The following PHIP variants were observed in gnomAD, a reference collection of about 807,000 sequenced individuals.
The protein encoded by PHIP is PHIP subunit of CUL4-Ring ligase complex, also known as PH-interacting protein.
Under a neutral mutation model 236.8 loss-of-function variants are expected in PHIP, and 54 were observed. That is an observed-to-expected ratio of 0.23 (90% CI 0.18 to 0.29). PHIP has a LOEUF of 0.29. Among genes scored for constraint, PHIP ranks in the 10% least tolerant of loss-of-function variants. The pLI is 1.00. For missense variants in PHIP, 1,370 were observed against 2,190.8 expected (o/e 0.63, Z 7.48); for synonymous variants, 756 against 718.9 (o/e 1.05, Z -0.83).
chr6:78,977,471 C>T (rs887437913), intron 24 of PHIP, among the ~76,000 whole-genome samples: 7 of 151,548 alleles, frequency 4.6e-5, no homozygotes, highest in African/African-American at 1.5e-4. Context: ...CACATGTATA[C>T]GTATGTAACT....
chr6:79,014,873 T>C (rs1052492701), intron 15 of PHIP, among the ~76,000 whole-genome samples: 3 of 151,904 alleles, frequency 2.0e-5, no homozygotes, highest in African/African-American at 7.2e-5. Context: ...GTTATCACAA[T>C]GTACAGGCAC....
chr6:78,944,165 T>C (rs897188518), intron 39 of PHIP, among the ~76,000 whole-genome samples: 12 of 151,966 alleles, frequency 7.9e-5, no homozygotes, highest in African/African-American at 2.9e-4. Context: ...CTCAGGAACT[T>C]CTAAGTGTTT....
intron 23 of PHIP, among the ~76,000 whole-genome samples, chr6:78,982,012 T>C (rs1021671381): frequency 5.3e-5 from 8 of 152,014 alleles, no homozygotes; most frequent in Admixed American, 6.6e-5. Context: ...TATATTCTTA[T>C]ACTTTTTGAA....
intron 15 of PHIP, chr6:79,004,312 G>C (rs376631991): frequency 1.2e-5 from 7 of 604,764 alleles, no homozygotes; most frequent in East Asian, 1.4e-4. Flanking sequence ...TAAATTCCCT[G>C]GTAGTCTGAC....
At chr6:79,042,490 C>A (rs144800523) in intron 7 of PHIP, among the ~76,000 whole-genome samples, 59 of 152,076 alleles carry the variant, frequency 3.9e-4, no homozygotes, top group African/African-American at 1.3e-3. Flanking sequence ...TAAAAAGGCA[C>A]ATTTAATAAT....
chr6:79,003,911 T>C (rs1770145565), intron 15 of PHIP, 53 bp from the exon 16 acceptor site: 1 of 1,202,358 alleles, frequency 8.3e-7, no homozygotes, highest in East Asian at 2.5e-5. Context: ...TGAAAAGAAT[T>C]GGTCACTATT....
intron 35 of PHIP, among the ~76,000 whole-genome samples, chr6:78,950,991 A>G (rs1774108211): frequency 6.6e-6 from 1 of 152,082 alleles, no homozygotes; most frequent in Non-Finnish European, 1.5e-5. Context: ...TAGTATTAGA[A>G]ATTTCCCTGC....
intron 39 of PHIP, among the ~76,000 whole-genome samples, chr6:78,942,003 C>T (rs1773526725): frequency 6.6e-6 from 1 of 151,708 alleles, no homozygotes; most frequent in South Asian, 2.1e-4. Flanking sequence ...GAAAAATATG[C>T]CACAGGAACT....
intron 4 of PHIP, among the ~76,000 whole-genome samples, chr6:79,077,111 G>T (rs976164951): frequency 4.6e-5 from 7 of 152,010 alleles, no homozygotes; most frequent in African/African-American, 1.7e-4. Flanking sequence ...CGCTCCCGCC[G>T]CCGCCGACTC....
intron 23 of PHIP, among the ~76,000 whole-genome samples, chr6:78,980,620 A>G (rs1768456544): frequency 6.6e-6 from 1 of 152,008 alleles, no homozygotes; most frequent in Non-Finnish European, 1.5e-5. Context: ...GTGAGGAGTA[A>G]AATGATATCC....
At chr6:78,955,167 A>T in intron 34 of PHIP, 65 bp downstream of exon 34, 1 of 1,144,622 alleles carries the variant, frequency 8.7e-7, no homozygotes, top group African/African-American at 1.6e-5. Context: ...GTAAAAAAAT[A>T]AAGAAAGCTC....
intron 35 of PHIP, among the ~76,000 whole-genome samples, chr6:78,953,846 A>C (rs1766225075): frequency 6.6e-6 from 1 of 152,132 alleles, no homozygotes; most frequent in African/African-American, 2.4e-5. Flanking sequence ...TTGGCTTCCC[A>C]AAGTGCTGGG....
At chr6:79,041,808 A>C (rs1772230564) in intron 7 of PHIP, among the ~76,000 whole-genome samples, 1 of 152,064 alleles carries the variant, frequency 6.6e-6, no homozygotes, top group Non-Finnish European at 1.5e-5. Context: ...CAAATGCCTG[A>C]GGTAGATTAG....
chr6:78,980,484 C>CA (rs1768441391), intron 23 of PHIP, among the ~76,000 whole-genome samples: 1 of 151,906 alleles, frequency 6.6e-6, no homozygotes, highest in African/African-American at 2.4e-5. Flanking sequence ...AAAGAGGAAT[C>CA]AAAGATATCT....
intron 15 of PHIP, 90 bp from the exon 16 acceptor site, chr6:79,003,948 T>C: frequency 1.3e-6 from 1 of 783,296 alleles, no homozygotes; most frequent in South Asian, 2.3e-5. Context: ...GATAAAAGCA[T>C]ACATCCTAAT....
intron 15 of PHIP, among the ~76,000 whole-genome samples, chr6:79,004,779 A>G (rs1770193924): frequency 6.6e-6 from 1 of 152,114 alleles, no homozygotes; most frequent in East Asian, 1.9e-4. Flanking sequence ...ATCCCAGGAA[A>G]TGCTTGGAAA....
Position 78,940,264 on chromosome 6 carries a change from A to G in PHIP, c.*429T>C, listed in dbSNP as rs1281104643. The G allele has an allele frequency of 2.0e-5, 3 of 151,948 alleles. No homozygotes were observed. Among genetic ancestry groups the G allele is most frequent in the Admixed American group, 6.6e-5 (1 of 15,234 alleles). The allele number at this position is 151,948 out of a possible 1,614,324, so 9.4% of individuals were successfully genotyped here. On this transcript the variant is annotated 3_prime_UTR_variant, in exon 40 of 40. Coordinates refer to ENST00000275034, the MANE Select transcript of PHIP (RefSeq NM_017934.7). ...TCTTTTAGGGGCATGACTTGTATCA[A>G]TAGAAATGTACCTCACTTGGTCAAA...
chr6:78,949,696 T>G (rs9343855), intron 35 of PHIP, among the ~76,000 whole-genome samples: 50,809 of 151,622 alleles, frequency 0.34, 9,198 homozygotes, highest in Non-Finnish European at 0.41. Flanking sequence ...CTTTTTTTTT[T>G]TTGTTGTTAA....
intron 15 of PHIP, among the ~76,000 whole-genome samples, chr6:79,004,081 G>A (rs967973496): frequency 1.3e-5 from 2 of 151,930 alleles, no homozygotes; most frequent in Non-Finnish European, 2.9e-5. Context: ...CACAATTCAG[G>A]AAATAAAAGA....
Sources: allele counts gnomAD v4.1 joint callset (sites outside exome capture counted in the v4.1 genomes callset), GRCh38; gene constraint gnomAD v4.1.1; transcripts MANE v1.5; gene names NCBI Gene and HGNC (gene_info 2026-07-23, HGNC 2026-07-21).